Variants in TLK1 observed in about 807,000 individuals in gnomAD.
TLK1 encodes serine/threonine-protein kinase tousled-like 1.
In TLK1, 24 loss-of-function variants were observed where a neutral mutation model predicts 105.3. The observed-to-expected ratio is 0.23, with a 90% CI of 0.17 to 0.32. The LOEUF (loss-of-function observed/expected upper bound fraction) is 0.32, where lower values mean the gene tolerates loss of function less well. TLK1 is among the 10% of genes least tolerant of loss of function. The pLI is 1.00. For missense variants in TLK1, 558 were observed against 910.5 expected, an observed-to-expected ratio of 0.61 and a Z score of 4.98; for synonymous variants, 321 against 310.4, an observed-to-expected ratio of 1.03 and a Z score of -0.36.
intron 2 of TLK1, among the ~76,000 whole-genome samples, chr2:171,103,001 A>C (rs1313463937): frequency 6.6e-6 from 1 of 152,184 alleles, no homozygotes; most frequent in African/African-American, 2.4e-5. Flanking sequence ...CCTTACATAC[A>C]GCGGTGAGAT....
At position 171,065,472 on chromosome 2, in the gene TLK1, A is replaced by T. The variant is rs188635693; in HGVS notation, c.331-4316T>A. On this transcript the variant is annotated intron_variant, in intron 3 of 20. Coordinates refer to ENST00000431350, the MANE Select transcript of TLK1 (RefSeq NM_012290.5). ...TTCAATCTTCAAACCTGACAGAATG[A>T]ATTTTTTTCTGACAGATCCATTCAG... Among the ~76,000 whole-genome samples, 762 of 152,322 alleles carry T rather than the reference A, an allele frequency of 5.0e-3. 6 individuals are homozygous for T. The highest frequency in any genetic ancestry group is 0.017 in the African/African-American group (708 of 41,578).
At chr2:171,150,229 T>A (rs1691978038) in intron 1 of TLK1, among the ~76,000 whole-genome samples, 1 of 152,166 alleles carries the variant, frequency 6.6e-6, no homozygotes, top group Admixed American at 6.5e-5. Context: ...TGGCAACATT[T>A]ACCGAAAGCC....
chr2:171,117,929 ATATATG>A (rs1246099636), intron 1 of TLK1, 72 bp from the exon 2 acceptor site: 3 of 1,005,942 alleles, frequency 3.0e-6, no homozygotes, highest in Admixed American at 2.7e-5. Flanking sequence ...ACACAAATAT[ATATATG>A]TGATTAGTTA....
chr2:171,014,920 T>C lies in TLK1; in HGVS notation c.1265A>G (p.Glu422Gly), dbSNP rs1252028234. 4 of 1,613,886 alleles carry C rather than the reference T, an allele frequency of 2.5e-6. No homozygotes were observed. Among genetic ancestry groups the C allele is most frequent in the Non-Finnish European group, 3.4e-6 (4 of 1,179,942 alleles). Residue 422 changes from glutamate (E) to glycine (G), a missense_variant, in exon 13 of 21, where the codon GAA (glutamate) becomes GGA (glycine). Transcript: ENST00000431350. Reference sequence around the variant, plus strand: ...AAGATTTCTGACTCTTTCCAAACGTTCAAGTTCTGCCTGGATTTCTGCCTC... The same window carrying C: ...AAGATTTCTGACTCTTTCCAAACGTCCAAGTTCTGCCTGGATTTCTGCCTC... The part of the protein sequence containing the change: ...KEEAEIQAEL[E>G]RLERVRNLHI...
At chr2:171,067,014 TG>T (rs1575569039) in intron 3 of TLK1, 1 of 1,494,704 alleles carries the variant, frequency 6.7e-7, no homozygotes, top group East Asian at 2.5e-5. Flanking sequence ...TTTGACCCAT[TG>T]TGACACTCAC....
intron 13 of TLK1, among the ~76,000 whole-genome samples, chr2:171,013,318 CTTTTT>C (rs774923512): frequency 1.2e-3 from 87 of 74,152 alleles, no homozygotes; most frequent in African/African-American, 4.5e-3. Flanking sequence ...TGGCCCCTCA[CTTTTT>C]TTTTTTTTTT....
At chr2:171,053,669 G>T in intron 8 of TLK1, 92 bp downstream of exon 8, 2 of 1,075,754 alleles carry the variant, frequency 1.9e-6, no homozygotes, top group Non-Finnish European at 2.6e-6. Flanking sequence ...CCTAGCTACA[G>T]ATTTTTTTAC....
intron 1 of TLK1, among the ~76,000 whole-genome samples, chr2:171,120,080 C>T (rs1415358632): frequency 6.6e-6 from 1 of 151,766 alleles, no homozygotes; most frequent in African/African-American, 2.4e-5. Flanking sequence ...CTAAACGTCT[C>T]TACTAAAAAT....
intron 2 of TLK1, among the ~76,000 whole-genome samples, chr2:171,103,264 T>TTATATATATATATATATATATATA (rs571890429): frequency 0.012 from 1,574 of 135,960 alleles, 31 homozygotes; most frequent in Non-Finnish European, 0.016. Flanking sequence ...GATCTCAAAT[T>TTATATATATATATATATATATATA]TATATATATA....
chr2:171,169,824 T>A (rs1692692954), intron 1 of TLK1, among the ~76,000 whole-genome samples: 1 of 152,228 alleles, frequency 6.6e-6, no homozygotes, highest in Non-Finnish European at 1.5e-5. Context: ...GTGCCTTCTT[T>A]TCCGCAGATA....
At chr2:171,166,467 T>C (rs1235292123) in intron 1 of TLK1, among the ~76,000 whole-genome samples, 2 of 152,250 alleles carry the variant, frequency 1.3e-5, no homozygotes, top group Non-Finnish European at 2.9e-5. Flanking sequence ...CACTCATCCT[T>C]CATTGCCCAA....
chr2:171,082,949 C>A, intron 2 of TLK1, 97 bp from the exon 3 acceptor site: 2 of 796,960 alleles, frequency 2.5e-6, no homozygotes, highest in Non-Finnish European at 4.1e-6. Context: ...GATAATCTAT[C>A]TTCATAAATA....
upstream of TLK1, among the ~76,000 whole-genome samples, chr2:171,161,176 C>T (rs907579984): frequency 1.1e-4 from 16 of 148,190 alleles, no homozygotes; most frequent in African/African-American, 3.9e-4. Flanking sequence ...GCAGCGTCCC[C>T]GCGCCGGCCG....
chr2:171,175,460 A>C (rs1692804159), intron 1 of TLK1, among the ~76,000 whole-genome samples: 1 of 152,196 alleles, frequency 6.6e-6, no homozygotes, highest in African/African-American at 2.4e-5. Context: ...AGATGATTTA[A>C]AGTTTTTAAG....
intron 1 of TLK1, among the ~76,000 whole-genome samples, chr2:171,214,426 TC>T (rs1410020592): frequency 6.6e-6 from 1 of 152,160 alleles, no homozygotes; most frequent in Non-Finnish European, 1.5e-5. Flanking sequence ...TGTGCCCCAG[TC>T]CCCAGGCACT....
intron 1 of TLK1, among the ~76,000 whole-genome samples, chr2:171,197,415 A>G (rs1693295892): frequency 6.6e-6 from 1 of 152,236 alleles, no homozygotes; most frequent in Admixed American, 6.5e-5. Flanking sequence ...AGGCACAAAT[A>G]TAAAACATTC....
chr2:171,162,150 GTTTT>G (rs1553485791), upstream of TLK1, among the ~76,000 whole-genome samples: 9 of 152,228 alleles, frequency 5.9e-5, no homozygotes, highest in Non-Finnish European at 7.3e-5. Flanking sequence ...ACTTCAGTGA[GTTTT>G]TAGTCTTGTC....
In TLK1 at chr2:170,992,240, A is replaced by G. The variant is rs954929021; in HGVS notation, c.*1540T>C. On this transcript the variant is annotated 3_prime_UTR_variant, in exon 21 of 21. Transcript: ENST00000431350. ...AATTTCAGCAGCATTTTAAAGAGAC[A>G]ATGTGTCTATGTACAATGAAAAAAC... 3 of 152,188 alleles carry G rather than the reference A, an allele frequency of 2.0e-5. No homozygotes were observed. Among genetic ancestry groups the G allele is most frequent in the Non-Finnish European group, 4.4e-5 (3 of 67,996 alleles). 9.4% of individuals were successfully genotyped at this position (152,188 alleles called of 1,614,324 possible). A position where few individuals can be genotyped will look rare whatever the true frequency, so the allele number is the denominator to read the frequency against.
chr2:171,067,090 C>G, intron 3 of TLK1: 4 of 1,017,914 alleles, frequency 3.9e-6, no homozygotes, highest in Non-Finnish European at 5.4e-6. Flanking sequence ...ATCCCTAGGT[C>G]TGTACAATTA....
Sources: allele counts gnomAD v4.1 joint callset (sites outside exome capture counted in the v4.1 genomes callset), GRCh38; gene constraint gnomAD v4.1.1; transcripts MANE v1.5; gene names NCBI Gene and HGNC (gene_info 2026-07-23, HGNC 2026-07-21).